The following PSMB7 variants were observed in gnomAD, a reference collection of about 807,000 sequenced individuals.
PSMB7 encodes the protein proteasome 20S subunit beta 7.
Under a neutral mutation model 28.1 loss-of-function variants are expected in PSMB7, and 5 were observed. The observed-to-expected ratio is 0.18, with a 90% CI of 0.09 to 0.37. PSMB7 has a LOEUF of 0.37. Ranked by LOEUF, PSMB7 falls within the 10% of genes least tolerant of loss-of-function variation. PSMB7 has a pLI of 1.00. For synonymous variants in PSMB7, 122 were observed against 123.7 expected (o/e 0.99, Z 0.09); for missense variants, 275 against 346.2 (o/e 0.79, Z 1.63).
At chr9:124,362,070 G>A (rs1830469435) in intron 6 of PSMB7, among the ~76,000 whole-genome samples, 1 of 152,104 alleles carries the variant, frequency 6.6e-6, no homozygotes. Context: ...TACTTACACT[G>A]GAGGCAGGCA....
chr9:124,414,621 A>AG (rs1032697862), intron 2 of PSMB7, among the ~76,000 whole-genome samples: 4 of 151,142 alleles, frequency 2.6e-5, no homozygotes, highest in East Asian at 1.9e-4. Flanking sequence ...TAAAAAAAAA[A>AG]AAAAGAAAGA....
At chr9:124,400,830 G>A (rs1004119411) in intron 5 of PSMB7, among the ~76,000 whole-genome samples, 3 of 152,192 alleles carry the variant, frequency 2.0e-5, no homozygotes, top group African/African-American at 7.2e-5. Context: ...ATTTATACAA[G>A]TAGACCAAGA....
intron 5 of PSMB7, among the ~76,000 whole-genome samples, chr9:124,393,010 T>C: frequency 6.6e-6 from 1 of 152,142 alleles, no homozygotes; most frequent in East Asian, 1.9e-4. Flanking sequence ...TGGCCACTCA[T>C]CCTGGGTAAA....
At position 124,353,522 on chromosome 9, in the gene PSMB7, T is replaced by G; in HGVS notation, c.*76A>C. 1 of 1,086,572 alleles carries G rather than the reference T, an allele frequency of 9.2e-7. No homozygotes were observed. Among genetic ancestry groups the G allele is most frequent in the African/African-American group, 1.6e-5 (1 of 63,902 alleles). The allele number at this position is 1,086,572 out of a possible 1,614,324, so 67.3% of individuals were successfully genotyped here. A position where few individuals can be genotyped will look rare whatever the true frequency, so the allele number is the denominator to read the frequency against. On this transcript the variant is annotated 3_prime_UTR_variant, in exon 8 of 8. Coordinates refer to ENST00000259457, the MANE Select transcript of PSMB7 (RefSeq NM_002799.4). ...GAGTTGAGTTTCATTCGGCAAACAC[T>G]AGCCACATGAGTGTCTTACTGGGCC... is the stretch of plus-strand genomic sequence containing the variant.
At chr9:124,378,177 C>A (rs1401203689) in intron 6 of PSMB7, among the ~76,000 whole-genome samples, 2 of 152,236 alleles carry the variant, frequency 1.3e-5, no homozygotes, top group Admixed American at 1.3e-4. Context: ...TTTCAAGTTG[C>A]TATTATTGCC....
intron 6 of PSMB7, among the ~76,000 whole-genome samples, chr9:124,363,199 T>C (rs1200780848): frequency 6.6e-6 from 1 of 152,162 alleles, no homozygotes; most frequent in Non-Finnish European, 1.5e-5. Context: ...CCCTACCAAA[T>C]GGGGCAATTC....
intron 7 of PSMB7, among the ~76,000 whole-genome samples, chr9:124,353,933 G>A (rs1165668596): frequency 6.6e-6 from 1 of 152,082 alleles, no homozygotes; most frequent in Non-Finnish European, 1.5e-5. Context: ...AGTGAACACG[G>A]CACCTGGCCC....
rs965499102 is a variant in PSMB7, at chr9:124,353,654, T to C, written c.778A>G (p.Thr260Ala). Residue 260 changes from threonine to alanine, a missense_variant, in exon 8 of 8, where the codon ACT (threonine) becomes GCT (alanine). By Grantham distance (58) the Thr-to-Ala change is moderately conservative. Around this residue, in one of 2 missense-constraint regions of PSMB7, gnomAD observed 213 missense variants for 302.4 expected, o/e 0.70. Coordinates refer to ENST00000259457, the MANE Select transcript of PSMB7 (RefSeq NM_002799.4). ...GTTAVLTEKI[T>A]PLEIEVLEET... ...TCCAGCACCTCAATCTCCAGAGGAG[T>C]GATTTTCTCAGTGAGGACTGCAGTA... The C allele has an allele frequency of 6.2e-7, 1 of 1,613,776 alleles. No homozygotes were observed. The highest frequency in any genetic ancestry group is 1.3e-5 in the African/African-American group (1 of 74,836).
intron 6 of PSMB7, among the ~76,000 whole-genome samples, chr9:124,372,500 A>G (rs922504286): frequency 1.1e-4 from 17 of 152,378 alleles, no homozygotes; most frequent in African/African-American, 3.8e-4. Flanking sequence ...CTTGAATTCC[A>G]GAGACCTGGC....
At chr9:124,377,816 G>A in intron 6 of PSMB7, among the ~76,000 whole-genome samples, 1 of 152,198 alleles carries the variant, frequency 6.6e-6, no homozygotes, top group East Asian at 1.9e-4. Flanking sequence ...AGGGTATAGG[G>A]TAGGAGCTCA....
chr9:124,400,188 C>T (rs1267227269), intron 5 of PSMB7, among the ~76,000 whole-genome samples: 6 of 152,196 alleles, frequency 3.9e-5, no homozygotes, highest in Admixed American at 2.0e-4. Flanking sequence ...TTGTGCACCA[C>T]AGGCCTGAGG....
intron 6 of PSMB7, chr9:124,384,353 A>G: frequency 2.3e-6 from 1 of 441,502 alleles, no homozygotes; most frequent in Non-Finnish European, 4.0e-6. Flanking sequence ...GAAGATTCCT[A>G]GACAGCCCAA....
chr9:124,376,111 A>G (rs1298782914), intron 6 of PSMB7, among the ~76,000 whole-genome samples: 1 of 152,010 alleles, frequency 6.6e-6, no homozygotes, highest in Admixed American at 6.6e-5. Context: ...CAGTTGGGAA[A>G]AAAAGAGCAC....
At chr9:124,384,354 G>A (rs1274996380) in intron 6 of PSMB7, 2 of 441,658 alleles carry the variant, frequency 4.5e-6, no homozygotes, top group East Asian at 6.9e-5. Flanking sequence ...AAGATTCCTA[G>A]ACAGCCCAAA....
At chr9:124,390,231 T>C (rs1253920334) in intron 5 of PSMB7, among the ~76,000 whole-genome samples, 7 of 152,356 alleles carry the variant, frequency 4.6e-5, no homozygotes, top group East Asian at 1.9e-4. Context: ...AATGGGTACT[T>C]TGACACACTT....
chr9:124,356,645 G>A lies in PSMB7; in HGVS notation c.722+119C>T, dbSNP rs1024207431. 3 of 1,206,144 alleles carry A rather than the reference G, an allele frequency of 2.5e-6. No homozygotes were observed. Among genetic ancestry groups the A allele is most frequent in the African/African-American group, 3.1e-5 (2 of 65,448 alleles). 74.7% of individuals were successfully genotyped at this position (1,206,144 alleles called of 1,614,324 possible). On this transcript the variant is annotated intron_variant, in intron 7 of 7. Transcript: ENST00000259457. The surrounding 1 kb of genome is among the most constrained non-coding windows in gnomAD (Gnocchi z 4.4). ...AGGTCTGTGTGGGAGGTTGATTTGG[G>A]AACACTGGATGTACTTAATGTGGAA... is the stretch of plus-strand genomic sequence containing the variant.
intron 1 of PSMB7, 113 bp downstream of exon 1, chr9:124,415,251 A>T: frequency 8.4e-7 from 1 of 1,191,988 alleles, no homozygotes; most frequent in Non-Finnish European, 1.2e-6. Flanking sequence ...CGCGGGCCAC[A>T]GGCCCCGCCA....
intron 5 of PSMB7, among the ~76,000 whole-genome samples, chr9:124,385,051 T>C (rs140422656): frequency 1.3e-5 from 2 of 152,376 alleles, no homozygotes; most frequent in African/African-American, 4.8e-5. Context: ...CTGCTGGGTA[T>C]AGCGCTAAAT....
At chr9:124,407,701 C>G (rs1039685490) in intron 4 of PSMB7, among the ~76,000 whole-genome samples, 2 of 152,146 alleles carry the variant, frequency 1.3e-5, no homozygotes, top group Non-Finnish European at 1.5e-5. Context: ...TACCAGGACT[C>G]TATTCTAAGG....
Sources: allele counts gnomAD v4.1 joint callset (sites outside exome capture counted in the v4.1 genomes callset), GRCh38; gene constraint gnomAD v4.1.1; regional missense constraint gnomAD v4.1.1; non-coding constraint Gnocchi (gnomAD v3.1); transcripts MANE v1.5; gene names NCBI Gene and HGNC (gene_info 2026-07-23, HGNC 2026-07-21).